DGKH: variants seen among roughly 807,000 people sequenced by gnomAD.
The protein encoded by DGKH is DAG kinase eta.
DGKH carries 90 observed loss-of-function variants against 159.3 expected under a neutral mutation model. That is an observed-to-expected ratio of 0.57 (90% confidence interval 0.48 to 0.67). DGKH has a LOEUF of 0.67. DGKH is among the 30% of genes least tolerant of loss of function. The pLI, the probability that DGKH is intolerant of heterozygous loss-of-function variation, is 0.00. For synonymous variants in DGKH, 536 were observed against 553.8 expected, an observed-to-expected ratio of 0.97 and a Z score of 0.45; for missense variants, 1,181 against 1,506.1, an observed-to-expected ratio of 0.78 and a Z score of 3.57.
At chr13:42,066,234 C>G (rs1030777233) in intron 1 of DGKH, 1 of 152,166 alleles carries the variant, frequency 6.6e-6, no homozygotes, top group Non-Finnish European at 1.5e-5. Context: ...ACACCATGTT[C>G]GTAGCAGCGT....
chr13:42,201,027 C>G (rs1009049100), intron 20 of DGKH, among the ~76,000 whole-genome samples: 4 of 151,836 alleles, frequency 2.6e-5, no homozygotes, highest in African/African-American at 9.7e-5. Context: ...GAGTCTCGCT[C>G]TGTCAACCAC....
chr13:42,075,933 A>C (rs1440312145), intron 1 of DGKH, among the ~76,000 whole-genome samples: 1 of 152,224 alleles, frequency 6.6e-6, no homozygotes, highest in Non-Finnish European at 1.5e-5. Flanking sequence ...AGTCTTAAAC[A>C]ATGTTATAAT....
chr13:42,192,710 G>A (rs1284218376), intron 16 of DGKH, among the ~76,000 whole-genome samples: 1 of 151,260 alleles, frequency 6.6e-6, no homozygotes, highest in Non-Finnish European at 1.5e-5. Flanking sequence ...AACAGCTTTG[G>A]TGGGATCAGA....
intron 17 of DGKH, among the ~76,000 whole-genome samples, chr13:42,195,315 A>G (rs960771033): frequency 6.7e-6 from 1 of 148,202 alleles, no homozygotes; most frequent in Non-Finnish European, 1.5e-5. Flanking sequence ...CCTGGCCAAC[A>G]CAGTGACAAG....
intron 3 of DGKH, among the ~76,000 whole-genome samples, chr13:42,143,616 G>A (rs1955633856): frequency 1.3e-5 from 2 of 152,050 alleles, no homozygotes; most frequent in African/African-American, 4.8e-5. Flanking sequence ...CTTCTTCCTG[G>A]TTTCGTCTTG....
chr13:42,181,451 C>T (rs1347815572), intron 13 of DGKH: 4 of 156,588 alleles, frequency 2.6e-5, no homozygotes, highest in African/African-American at 9.6e-5. Context: ...TCCATGTCTT[C>T]AGCTGAACTT....
intron 2 of DGKH, among the ~76,000 whole-genome samples, chr13:42,128,864 G>T (rs960971223): frequency 1.3e-5 from 2 of 152,112 alleles, no homozygotes; most frequent in Non-Finnish European, 1.5e-5. Flanking sequence ...TTCAAGTTCC[G>T]CTGTCAACTA....
intron 1 of DGKH, among the ~76,000 whole-genome samples, chr13:42,040,457 A>AG (rs1249828101): frequency 2.0e-5 from 3 of 150,052 alleles, no homozygotes; most frequent in African/African-American, 7.4e-5. Flanking sequence ...AAGGCCTGAC[A>AG]GGGGGGTCAC....
intron 1 of DGKH, among the ~76,000 whole-genome samples, chr13:42,091,431 C>G (rs557954485): frequency 6.6e-6 from 1 of 152,058 alleles, no homozygotes; most frequent in East Asian, 1.9e-4. Flanking sequence ...CAGTTAATAT[C>G]CAGAAAATGA....
intron 26 of DGKH, 109 bp from the exon 27 acceptor site, chr13:42,219,121 A>G (rs918279863): frequency 2.2e-6 from 3 of 1,346,072 alleles, no homozygotes; most frequent in Non-Finnish European, 2.0e-6. Flanking sequence ...AAAAAATACT[A>G]CCTTAATAAG....
chr13:42,221,539 G>C, intron 29 of DGKH, 145 bp downstream of exon 29: 1 of 1,050,604 alleles, frequency 9.5e-7, no homozygotes, highest in Non-Finnish European at 1.3e-6. Context: ...TGTGGTCTGA[G>C]TTTCTTGTAT....
chr13:42,148,333 A>G (rs929045136), intron 3 of DGKH, among the ~76,000 whole-genome samples: 1 of 152,188 alleles, frequency 6.6e-6, no homozygotes, highest in Non-Finnish European at 1.5e-5. Context: ...TTCAACTCCA[A>G]ACATGAATAA....
intron 28 of DGKH, among the ~76,000 whole-genome samples, chr13:42,220,272 A>G (rs554542176): frequency 2.0e-5 from 3 of 152,326 alleles, no homozygotes; most frequent in Admixed American, 2.0e-4. Context: ...CTAAAGTTAT[A>G]TATTCCCTTT....
At chr13:42,065,012 T>A (rs1021474013) in intron 1 of DGKH, among the ~76,000 whole-genome samples, 1 of 152,172 alleles carries the variant, frequency 6.6e-6, no homozygotes, top group Non-Finnish European at 1.5e-5. Flanking sequence ...TTCATAAGGA[T>A]ATTCTGAGGA....
rs960333205 is a variant in DGKH at position 42,240,843 on chromosome 13, G to T, written c.*11655G>T. On this transcript the variant is annotated 3_prime_UTR_variant, in exon 30 of 30. Transcript: ENST00000337343. ...CTAAAATTAAATATCAGGGCCAGGT[G>T]TGGTGGCTGACACCTGTAATCCCAG... The T allele has an allele frequency of 2.0e-5, 3 of 152,194 alleles. No homozygotes were observed. The highest frequency in any genetic ancestry group is 4.4e-5 in the Non-Finnish European group (3 of 68,050). 9.4% of individuals were successfully genotyped at this position (152,194 alleles called of 1,614,324 possible).
intron 3 of DGKH, among the ~76,000 whole-genome samples, chr13:42,137,401 A>T (rs1955422964): frequency 6.6e-6 from 1 of 152,204 alleles, no homozygotes; most frequent in South Asian, 2.1e-4. Context: ...TATGAATCCT[A>T]GAGTGCAAGA....
intron 1 of DGKH, among the ~76,000 whole-genome samples, chr13:42,042,331 T>C (rs997103700): frequency 1.3e-5 from 2 of 152,216 alleles, no homozygotes; most frequent in Non-Finnish European, 2.9e-5. Context: ...GGTGTATGTG[T>C]TTTGCTTTAG....
rs371021561 is a variant in DGKH, at chr13:42,178,190, A to G, written c.1508A>G (p.Asp503Gly). 9.6e-5 allele frequency: 154 copies of G among 1,604,356 alleles called. No homozygotes were observed. Among genetic ancestry groups the G allele is most frequent in the Non-Finnish European group, 1.3e-4 (152 of 1,173,596 alleles). Residue 503 changes from aspartate to glycine, a missense_variant, in exon 13 of 30, where the codon GAT becomes GGT. Asp to Gly is a moderately conservative substitution (Grantham distance 94). Coordinates refer to ENST00000337343, the MANE Select transcript of DGKH (RefSeq NM_178009.5). Reference sequence around the variant, plus strand: ...CATCTTACAAAAATCCTCAATTCTGATGAACATGCAGTGGTCATATCTTCT... The same window carrying G: ...CATCTTACAAAAATCCTCAATTCTGGTGAACATGCAGTGGTCATATCTTCT... ...ATHLTKILNSDEHAVVISSAK... is the reference protein window; with the variant it reads ...ATHLTKILNSGEHAVVISSAK...
At chr13:42,046,231 A>G (rs771693255), upstream of DGKH, among the ~76,000 whole-genome samples, 5 of 152,244 alleles carry the variant, frequency 3.3e-5, no homozygotes, top group South Asian at 8.3e-4. Context: ...CAAATAAATA[A>G]TGTAAGATAC....
Sources: allele counts gnomAD v4.1 joint callset (sites outside exome capture counted in the v4.1 genomes callset), GRCh38; gene constraint gnomAD v4.1.1; transcripts MANE v1.5; gene names NCBI Gene and HGNC (gene_info 2026-07-23, HGNC 2026-07-21).